The following CLMP variants were observed in gnomAD, a reference collection of about 807,000 sequenced individuals.
CLMP encodes the protein CXADR-like membrane protein.
In CLMP, 27 loss-of-function variants were observed where a neutral mutation model predicts 45.2. The observed-to-expected ratio is 0.60, with a 90% CI of 0.44 to 0.82. CLMP has a LOEUF of 0.82. CLMP is among the 40% of genes least tolerant of loss of function. The pLI is 0.00. For missense variants in CLMP, 403 were observed against 448.4 expected, an observed-to-expected ratio of 0.90 and a Z score of 0.91; for synonymous variants, 167 against 171.4, an observed-to-expected ratio of 0.97 and a Z score of 0.20.
intron 2 of CLMP, 148 bp downstream of exon 2, chr11:123,097,647 A>T: frequency 1.6e-6 from 1 of 612,928 alleles, no homozygotes; most frequent in Non-Finnish European, 2.8e-6. Context: ...TCTTCTCTAT[A>T]GTTTTGTATC....
At chr11:123,163,912 C>T (rs767365689) in intron 1 of CLMP, among the ~76,000 whole-genome samples, 4 of 152,100 alleles carry the variant, frequency 2.6e-5, no homozygotes, top group African/African-American at 4.8e-5. Flanking sequence ...ACAGTGGAGC[C>T]GCTCAATCAC....
intron 1 of CLMP, among the ~76,000 whole-genome samples, chr11:123,190,487 AAAGGAGAAAACT>A (rs1861895105): frequency 6.6e-6 from 1 of 152,210 alleles, no homozygotes; most frequent in Admixed American, 6.5e-5. Flanking sequence ...TTCATTTTAC[AAAGGAGAAAACT>A]AAGGCTCAGA....
chr11:123,137,135 T>TTTTTTG (rs1565393734), intron 1 of CLMP, among the ~76,000 whole-genome samples: 7 of 138,848 alleles, frequency 5.0e-5, no homozygotes, highest in African/African-American at 1.9e-4. Context: ...ACCTTTCTCT[T>TTTTTTG]TTTTTCTTTT....
At chr11:123,103,219 C>G (rs1056716196) in intron 1 of CLMP, among the ~76,000 whole-genome samples, 1 of 152,144 alleles carries the variant, frequency 6.6e-6, no homozygotes, top group African/African-American at 2.4e-5. Context: ...TAAGAAGGAG[C>G]TTTGTAAGAA....
intron 5 of CLMP, among the ~76,000 whole-genome samples, chr11:123,080,032 C>T (rs1188069209): frequency 6.6e-6 from 1 of 152,190 alleles, no homozygotes; most frequent in East Asian, 1.9e-4. Context: ...TGATCTGCCT[C>T]TGAAATGGCT....
At chr11:123,136,394 C>T (rs1411479661) in intron 1 of CLMP, 2 of 514,686 alleles carry the variant, frequency 3.9e-6, no homozygotes, top group Non-Finnish European at 7.4e-6. Flanking sequence ...ATGATACCGC[C>T]GGTGGCCAGT....
intron 5 of CLMP, among the ~76,000 whole-genome samples, chr11:123,081,330 G>A (rs906670387): frequency 6.6e-6 from 1 of 151,962 alleles, no homozygotes; most frequent in Non-Finnish European, 1.5e-5. Context: ...CTTTCAACTT[G>A]GTTTATCCTG....
At chr11:123,179,273 T>C (rs1320643612) in intron 1 of CLMP, among the ~76,000 whole-genome samples, 3 of 152,228 alleles carry the variant, frequency 2.0e-5, no homozygotes, top group Non-Finnish European at 4.4e-5. Context: ...TTTGCAAGTA[T>C]TGAGCTTCCT....
intron 1 of CLMP, among the ~76,000 whole-genome samples, chr11:123,120,446 T>C (rs1397395242): frequency 6.6e-6 from 1 of 152,144 alleles, no homozygotes; most frequent in Admixed American, 6.6e-5. Context: ...GATGGCATTA[T>C]AAGATAATTG....
intron 1 of CLMP, among the ~76,000 whole-genome samples, chr11:123,109,145 A>C (rs1371054260): frequency 2.0e-5 from 3 of 152,076 alleles, no homozygotes; most frequent in Non-Finnish European, 2.9e-5. Flanking sequence ...TCTCAGTAGG[A>C]ACTTTGCAAG....
At position 123,183,784 on chromosome 11, in the gene CLMP, G is replaced by T. The variant is rs1293093704; in HGVS notation, c.28+11129C>A. Among the ~76,000 whole-genome samples, 3 of 152,190 alleles carry T rather than the reference G, an allele frequency of 2.0e-5. No individual in the cohort carries two copies. In the East Asian group the frequency reaches 5.8e-4, roughly 29 times the overall value. ...AGCTCACTGACTGCCCACCCGATGT[G>T]CTGGGGTGGGGATGAAACACAGAAG... On this transcript the variant is annotated intron_variant, in intron 1 of 6. Coordinates refer to ENST00000448775, the MANE Select transcript of CLMP (RefSeq NM_024769.5).
chr11:123,145,088 A>C (rs897643958), intron 1 of CLMP, among the ~76,000 whole-genome samples: 1 of 152,198 alleles, frequency 6.6e-6, no homozygotes, highest in Non-Finnish European at 1.5e-5. Context: ...TTTTCCATTG[A>C]TTATATGTTG....
intron 1 of CLMP, among the ~76,000 whole-genome samples, chr11:123,098,350 C>G (rs1021680552): frequency 3.3e-5 from 5 of 152,042 alleles, no homozygotes; most frequent in African/African-American, 1.2e-4. Context: ...GCCTTAGCCT[C>G]GTGAGTAGCT....
chr11:123,122,152 A>G (rs1860828197), intron 1 of CLMP, among the ~76,000 whole-genome samples: 2 of 152,156 alleles, frequency 1.3e-5, no homozygotes, highest in Admixed American at 1.3e-4. Flanking sequence ...ACTGTCTTCT[A>G]GACTATAGAC....
chr11:123,103,807 G>T (rs1860491418), intron 1 of CLMP, among the ~76,000 whole-genome samples: 1 of 147,826 alleles, frequency 6.8e-6, no homozygotes, highest in Non-Finnish European at 1.5e-5. Flanking sequence ...ACCCACCTAA[G>T]CAGAGAGGGG....
intron 1 of CLMP, among the ~76,000 whole-genome samples, chr11:123,162,009 C>T (rs551539745): frequency 2.6e-5 from 4 of 152,270 alleles, no homozygotes; most frequent in South Asian, 4.1e-4. Context: ...ATTGAGAACC[C>T]CTGTGCTGGC....
chr11:123,186,257 TGCCTA>T (rs1861833253), intron 1 of CLMP, among the ~76,000 whole-genome samples: 1 of 152,202 alleles, frequency 6.6e-6, no homozygotes, highest in Non-Finnish European at 1.5e-5. Context: ...CCTAGCACAA[TGCCTA>T]GTCCATAGTA....
chr11:123,158,556 G>A (rs762022274), intron 1 of CLMP, among the ~76,000 whole-genome samples: 5 of 152,150 alleles, frequency 3.3e-5, no homozygotes, highest in Non-Finnish European at 4.4e-5. Context: ...AAAGGGCACT[G>A]CTCGTTGTTT....
At chr11:123,074,042 T>C (rs983126284) in intron 6 of CLMP, among the ~76,000 whole-genome samples, 6 of 152,212 alleles carry the variant, frequency 3.9e-5, no homozygotes, top group African/African-American at 7.2e-5. Flanking sequence ...CCTCCTGATT[T>C]AGGGTTTGTC....
Sources: allele counts gnomAD v4.1 joint callset (sites outside exome capture counted in the v4.1 genomes callset), GRCh38; gene constraint gnomAD v4.1.1; transcripts MANE v1.5; gene names NCBI Gene and HGNC (gene_info 2026-07-23, HGNC 2026-07-21).